NKAIN2: variants seen among roughly 807,000 people sequenced by gnomAD.
NKAIN2 encodes the protein sodium/potassium-transporting ATPase subunit beta-1-interacting protein 2.
NKAIN2 carries 14 observed loss-of-function variants against 32.6 expected under a neutral mutation model. That is an observed-to-expected ratio of 0.43 (90% CI 0.28 to 0.67). The LOEUF is 0.67. Ranked by LOEUF, NKAIN2 falls within the 30% of genes least tolerant of loss-of-function variation. The probability of loss-of-function intolerance (pLI) is 0.17; values close to 1 mark genes in which losing one functional copy is unlikely to be tolerated. For synonymous variants in NKAIN2, 80 were observed against 87.2 expected (o/e 0.92, Z 0.46); for missense variants, 198 against 258.3 (o/e 0.77, Z 1.60).
At chr6:124,126,204 C>T (rs569881894) in intron 1 of NKAIN2, among the ~76,000 whole-genome samples, 57 of 152,200 alleles carry the variant, frequency 3.7e-4, no homozygotes, top group Non-Finnish European at 6.6e-4. Flanking sequence ...TATCTTTCTC[C>T]CTCTAATACT....
At chr6:124,067,920 G>C (rs1183085780) in intron 1 of NKAIN2, among the ~76,000 whole-genome samples, 1 of 152,206 alleles carries the variant, frequency 6.6e-6, no homozygotes. Flanking sequence ...GCAAAATCTA[G>C]TGAGGGAAAT....
intron 3 of NKAIN2, among the ~76,000 whole-genome samples, chr6:124,584,259 G>A (rs1050529685): frequency 1.3e-5 from 2 of 151,910 alleles, no homozygotes; most frequent in African/African-American, 4.8e-5. Context: ...GAAGGAATTG[G>A]TAATCAGAAT....
intron 1 of NKAIN2, among the ~76,000 whole-genome samples, chr6:124,271,490 A>G (rs1794785614): frequency 1.3e-5 from 2 of 152,212 alleles, no homozygotes; most frequent in African/African-American, 4.8e-5. Flanking sequence ...TGCTGGGATT[A>G]CAGGCGTGAG....
intron 1 of NKAIN2, among the ~76,000 whole-genome samples, chr6:124,256,186 A>G (rs1484445401): frequency 6.6e-6 from 1 of 152,190 alleles, no homozygotes; most frequent in African/African-American, 2.4e-5. Flanking sequence ...AGGTAGGGAA[A>G]TGTTGTCACA....
chr6:124,149,723 G>A (rs558358932), intron 1 of NKAIN2, among the ~76,000 whole-genome samples: 30 of 152,288 alleles, frequency 2.0e-4, no homozygotes, highest in Admixed American at 1.4e-3. Context: ...ATCAGGAAAT[G>A]TACATACCCC....
chr6:124,271,839 C>A (rs1351635442), intron 1 of NKAIN2, among the ~76,000 whole-genome samples: 1 of 152,166 alleles, frequency 6.6e-6, no homozygotes, highest in Non-Finnish European at 1.5e-5. Context: ...GAGTAAAGGT[C>A]ACTCGTGCTA....
intron 1 of NKAIN2, among the ~76,000 whole-genome samples, chr6:123,945,996 C>A (rs967016983): frequency 5.9e-5 from 9 of 152,018 alleles, no homozygotes; most frequent in Non-Finnish European, 1.3e-4. Context: ...TTCCTTATGT[C>A]AATATCAAGT....
chr6:124,314,903 G>C (rs144558538), intron 2 of NKAIN2, among the ~76,000 whole-genome samples: 16 of 152,120 alleles, frequency 1.1e-4, no homozygotes, highest in African/African-American at 3.4e-4. Flanking sequence ...GTTAACCAAG[G>C]ATTCTATCTC....
At chr6:123,867,092 A>G (rs1772565840) in intron 1 of NKAIN2, among the ~76,000 whole-genome samples, 1 of 152,166 alleles carries the variant, frequency 6.6e-6, no homozygotes, top group Middle Eastern at 3.2e-3. Context: ...AGATGTTTCA[A>G]TATTCTTTCT....
At chr6:124,125,098 A>G (rs1786093267) in intron 1 of NKAIN2, among the ~76,000 whole-genome samples, 1 of 152,210 alleles carries the variant, frequency 6.6e-6, no homozygotes, top group Non-Finnish European at 1.5e-5. Context: ...CCAAGTCTAA[A>G]TATTTTTAAA....
intron 4 of NKAIN2, among the ~76,000 whole-genome samples, chr6:124,695,445 T>C (rs12665412): frequency 0.059 from 9,017 of 152,252 alleles, 369 homozygotes; most frequent in African/African-American, 0.11. Flanking sequence ...CATAACTCTC[T>C]TGCAAGAATT....
At chr6:124,706,978 T>C (rs1241199977) in intron 4 of NKAIN2, among the ~76,000 whole-genome samples, 1 of 151,076 alleles carries the variant, frequency 6.6e-6, no homozygotes, top group Non-Finnish European at 1.5e-5. Context: ...CTCCCAATGC[T>C]ATCCGTCCCC....
At chr6:123,984,868 G>T (rs917728223) in intron 1 of NKAIN2, among the ~76,000 whole-genome samples, 1 of 151,952 alleles carries the variant, frequency 6.6e-6, no homozygotes, top group East Asian at 1.9e-4. Flanking sequence ...ATAAATAAAA[G>T]AAATATAAGA....
chr6:124,171,546 G>GTTTT (rs1788859417), intron 1 of NKAIN2, among the ~76,000 whole-genome samples: 1 of 49,410 alleles, frequency 2.0e-5, no homozygotes, highest in Non-Finnish European at 3.9e-5. Context: ...GGGCCGATTT[G>GTTTT]ATTTTTTTTT....
At chr6:124,350,853 G>T (rs1376813519) in intron 2 of NKAIN2, among the ~76,000 whole-genome samples, 1 of 152,182 alleles carries the variant, frequency 6.6e-6, no homozygotes, top group East Asian at 1.9e-4. Flanking sequence ...GCTGCGCATG[G>T]TGGCACATGC....
Position 123,964,654 on chromosome 6 carries a change from G to T in NKAIN2, c.54+160400G>T, listed in dbSNP as rs1036905222. 2.0e-5 allele frequency among the ~76,000 whole-genome samples: 3 copies of T among 152,126 alleles called. No individual in the cohort carries two copies. Among genetic ancestry groups the T allele is most frequent in the Admixed American group, 1.3e-4 (2 of 15,270 alleles). On this transcript the variant is annotated intron_variant, in intron 1 of 6. Coordinates refer to ENST00000368417, the MANE Select transcript of NKAIN2 (RefSeq NM_001040214.3). This position sits in a 1 kb window ranked among gnomAD's most constrained non-coding sequence, Gnocchi z 4.0. Reference sequence around the variant, plus strand: ...AATTTTTAAGAGAAAATGTCAAACGGTTTTGGAGTGTTGCCCAGCCACTTT... The same window carrying T: ...AATTTTTAAGAGAAAATGTCAAACGTTTTTGGAGTGTTGCCCAGCCACTTT...
In NKAIN2 at chr6:124,143,410, T is replaced by C. The variant is rs1787238661; in HGVS notation, c.55-139595T>C. On this transcript the variant is annotated intron_variant, in intron 1 of 6. Transcript: ENST00000368417. ...CAGAGTTTGAGGCTGCAGTGAGTTA[T>C]GACTGTGCTACTGTACTCCACCCTG... Among the ~76,000 whole-genome samples, 4 of 152,320 alleles carry C rather than the reference T, an allele frequency of 2.6e-5. No homozygotes were observed. The South Asian group carries it at 8.3e-4, about 32-fold the overall frequency.
intron 1 of NKAIN2, among the ~76,000 whole-genome samples, chr6:123,876,075 T>G (rs1773156071): frequency 6.6e-6 from 1 of 152,138 alleles, no homozygotes; most frequent in Non-Finnish European, 1.5e-5. Flanking sequence ...GCTATTTTTT[T>G]GTTTATTTAG....
chr6:124,634,870 A>G (rs1783711366), intron 3 of NKAIN2, among the ~76,000 whole-genome samples: 1 of 152,052 alleles, frequency 6.6e-6, no homozygotes, highest in Non-Finnish European at 1.5e-5. Flanking sequence ...CAAGTCACAT[A>G]TAAGGGAATC....
Sources: gnomAD v4.1 joint callset for allele counts (sites outside exome capture counted in the v4.1 genomes callset) on GRCh38, gnomAD v4.1.1 for gene constraint, Gnocchi (gnomAD v3.1) non-coding constraint, MANE v1.5 for transcripts, NCBI Gene and HGNC (gene_info 2026-07-23, HGNC 2026-07-21) for gene names.